Variants in DMXL1 observed in about 807,000 individuals in gnomAD.
DMXL1 encodes the protein dmX-like protein 1.
Under a neutral mutation model 319.2 loss-of-function variants are expected in DMXL1, and 99 were observed. The observed-to-expected ratio is 0.31, with a 90% CI of 0.26 to 0.37. The LOEUF is 0.37. DMXL1 is among the 10% of genes least tolerant of loss of function. The pLI is 1.00. For missense variants in DMXL1, 3,745 were observed against 3,595.6 expected (o/e 1.04, Z -1.06); for synonymous variants, 1,385 against 1,235.2 (o/e 1.12, Z -2.54).
At chr5:119,139,543 T>C (rs1487341421) in intron 13 of DMXL1, among the ~76,000 whole-genome samples, 1 of 152,098 alleles carries the variant, frequency 6.6e-6, no homozygotes, top group Admixed American at 6.5e-5. Context: ...CATTACACAA[T>C]GGTAAAGGGT....
In DMXL1 at chr5:119,087,861, G is replaced by A. The variant is rs560607665; in HGVS notation, c.88-10118G>A. On this transcript the variant is annotated intron_variant, in intron 1 of 43. Coordinates refer to ENST00000539542, the MANE Select transcript of DMXL1 (RefSeq NM_001290321.3). ...CTGTTGCCCAGGCTGGAGTGCAATG[G>A]CGCTATCTCTGCTAACTGCACCCTC... 1.6e-3 allele frequency among the ~76,000 whole-genome samples: 238 copies of A among 152,138 alleles called. 2 individuals are homozygous for A. Among genetic ancestry groups the A allele is most frequent in the African/African-American group, 5.6e-3 (232 of 41,500 alleles).
intron 23 of DMXL1, among the ~76,000 whole-genome samples, 171 bp from the exon 24 acceptor site, chr5:119,170,019 A>G (rs1275194550): frequency 2.6e-5 from 4 of 152,204 alleles, no homozygotes; most frequent in Non-Finnish European, 5.9e-5. Context: ...GAACATGTTC[A>G]TTATAAATGT....
intron 38 of DMXL1, among the ~76,000 whole-genome samples, chr5:119,225,862 A>G (rs1200133894): frequency 2.0e-5 from 3 of 152,206 alleles, no homozygotes; most frequent in African/African-American, 4.8e-5. Context: ...TGAGAACTAA[A>G]AAGCAGTCAT....
intron 30 of DMXL1, among the ~76,000 whole-genome samples, chr5:119,194,843 G>A (rs775287951): frequency 1.5e-4 from 23 of 152,048 alleles, no homozygotes; most frequent in Admixed American, 5.9e-4. Context: ...TCACTTGAGC[G>A]CAGGAGTTCA....
intron 32 of DMXL1, among the ~76,000 whole-genome samples, chr5:119,202,117 G>A (rs532098921): frequency 6.6e-6 from 1 of 151,880 alleles, no homozygotes; most frequent in African/African-American, 2.4e-5. Flanking sequence ...CTAGCTTTGG[G>A]GTTTATTTGT....
intron 34 of DMXL1, among the ~76,000 whole-genome samples, chr5:119,207,922 A>G (rs1189659401): frequency 1.3e-5 from 2 of 152,206 alleles, no homozygotes; most frequent in African/African-American, 2.4e-5. Flanking sequence ...AAATTGCTCA[A>G]AAAAATTTTT....
intron 2 of DMXL1, among the ~76,000 whole-genome samples, chr5:119,100,837 T>C (rs1385014643): frequency 3.7e-5 from 5 of 134,304 alleles, no homozygotes; most frequent in South Asian, 2.5e-4. Context: ...TGGAGTGCAG[T>C]GGCGTGAACT....
intron 20 of DMXL1, among the ~76,000 whole-genome samples, chr5:119,164,935 A>G (rs1002909430): frequency 2.8e-5 from 4 of 143,206 alleles, no homozygotes; most frequent in African/African-American, 9.8e-5. Flanking sequence ...TATGTTTAGA[A>G]AAATTTAAAA....
chr5:119,071,802 C>T (rs2149639429), intron 1 of DMXL1, 146 bp downstream of exon 1: 1 of 655,392 alleles, frequency 1.5e-6, no homozygotes, highest in Non-Finnish European at 2.5e-6. Flanking sequence ...AGACCTGGCC[C>T]TTGAGAACTA....
At chr5:119,226,178 T>G (rs930242945) in intron 38 of DMXL1, among the ~76,000 whole-genome samples, 2 of 152,156 alleles carry the variant, frequency 1.3e-5, no homozygotes, top group Non-Finnish European at 2.9e-5. Flanking sequence ...TCTTGAGAGA[T>G]AAATCCTTTC....
chr5:119,246,690 A>G (rs182023782), intron 43 of DMXL1, among the ~76,000 whole-genome samples: 18 of 136,068 alleles, frequency 1.3e-4, no homozygotes, highest in South Asian at 9.0e-4. Context: ...CTGGAGCGCA[A>G]TGGTGTGATC....
At chr5:119,082,054 C>G (rs997305970) in intron 1 of DMXL1, among the ~76,000 whole-genome samples, 1 of 144,614 alleles carries the variant, frequency 6.9e-6, no homozygotes, top group Non-Finnish European at 1.5e-5. Flanking sequence ...CACACACACA[C>G]ACATACACGT....
At chr5:119,112,034 C>A (rs1352156601) in intron 5 of DMXL1, among the ~76,000 whole-genome samples, 1 of 152,040 alleles carries the variant, frequency 6.6e-6, no homozygotes, top group Non-Finnish European at 1.5e-5. Context: ...GATCTCAGCT[C>A]ACTGCAAGCT....
chr5:119,105,765 C>G (rs1181855415), intron 4 of DMXL1, among the ~76,000 whole-genome samples: 2 of 151,946 alleles, frequency 1.3e-5, no homozygotes, highest in Non-Finnish European at 2.9e-5. Flanking sequence ...GGCATAGTGG[C>G]GCATGCCTGT....
intron 34 of DMXL1, among the ~76,000 whole-genome samples, chr5:119,213,207 C>A (rs1783103636): frequency 6.6e-6 from 1 of 152,102 alleles, no homozygotes; most frequent in African/African-American, 2.4e-5. Context: ...TTTCCTACTC[C>A]CCACAGATCA....
intron 38 of DMXL1, among the ~76,000 whole-genome samples, chr5:119,225,633 C>G (rs1785404824): frequency 6.6e-6 from 1 of 152,024 alleles, no homozygotes; most frequent in African/African-American, 2.4e-5. Context: ...GTATTCTTTT[C>G]TGCTTCATTT....
chr5:119,168,051 G>C (rs555677619), intron 23 of DMXL1, among the ~76,000 whole-genome samples, 187 bp downstream of exon 23: 1 of 152,020 alleles, frequency 6.6e-6, no homozygotes, highest in East Asian at 1.9e-4. Context: ...AAGAACGTTG[G>C]ATTTTCTGTT....
In DMXL1 at chr5:119,118,957, T is replaced by C. The variant is rs750355441; in HGVS notation, c.886T>C (p.Phe296Leu). The stretch of plus-strand genomic sequence containing the variant: ...TGAATCAATTAATTTAACAAATAAC[T>C]TCAAGAGAAATGCTTCCAGTAAAGA... ...WTESINLTNN[F>L]KRNASSKERV... is the part of the protein sequence containing the mutation. Residue 296 changes from phenylalanine (F) to leucine (L), a missense_variant, in exon 8 of 44, where the codon TTC becomes CTC. Phe to Leu is a conservative substitution (Grantham distance 22, BLOSUM62 0). Transcript: ENST00000539542. 2.6e-5 allele frequency: 42 copies of C among 1,613,410 alleles called. No homozygotes were observed. Among genetic ancestry groups the C allele is most frequent in the Middle Eastern group, 1.6e-4 (1 of 6,080 alleles).
chr5:119,104,478 C>G (rs1196735147), intron 3 of DMXL1, among the ~76,000 whole-genome samples: 1 of 152,042 alleles, frequency 6.6e-6, no homozygotes, highest in African/African-American at 2.4e-5. Context: ...TTTGTTGTAC[C>G]AAAGTTTGAG....
Sources: gnomAD v4.1 joint callset for allele counts (sites outside exome capture counted in the v4.1 genomes callset) on GRCh38, gnomAD v4.1.1 for gene constraint, MANE v1.5 for transcripts, NCBI Gene and HGNC (gene_info 2026-07-23, HGNC 2026-07-21) for gene names.